The following GSE1 variants were observed in gnomAD, a reference collection of about 807,000 sequenced individuals.
The protein encoded by GSE1 is Gse1 coiled-coil protein.
Under a neutral mutation model 112.6 loss-of-function variants are expected in GSE1, and 32 were observed. The ratio of observed to expected loss-of-function variants is 0.28; its 90% CI spans 0.21 to 0.38. The LOEUF is 0.38. GSE1 is among the 10% of genes least tolerant of loss of function. The pLI is 1.00. For synonymous variants in GSE1, 1,115 were observed against 735.6 expected (o/e 1.52, Z -8.35); for missense variants, 2,348 against 1,699.2 (o/e 1.38, Z -6.71).
intron 2 of GSE1, among the ~76,000 whole-genome samples, chr16:85,384,325 C>G (rs1337952645): frequency 6.6e-6 from 1 of 152,200 alleles, no homozygotes; most frequent in East Asian, 1.9e-4. Flanking sequence ...GAGAACCTCC[C>G]CCTTGCCCAT....
chr16:85,474,080 G>A (rs2050377882), intron 2 of GSE1, among the ~76,000 whole-genome samples: 1 of 152,098 alleles, frequency 6.6e-6, no homozygotes, highest in African/African-American at 2.4e-5. Flanking sequence ...CTTCTGATGG[G>A]TCCTCTGCTG....
At chr16:85,354,156 T>A (rs958193721) in intron 1 of GSE1, among the ~76,000 whole-genome samples, 3 of 152,216 alleles carry the variant, frequency 2.0e-5, no homozygotes, top group African/African-American at 7.2e-5. Context: ...ACTCCTATAG[T>A]ACTTGTCATC....
chr16:85,655,664 C>T (rs989914192), intron 5 of GSE1, 62 bp from the exon 6 acceptor site: 24 of 1,151,716 alleles, frequency 2.1e-5, no homozygotes, highest in African/African-American at 4.6e-5. Flanking sequence ...ACACACCTGT[C>T]GACAGGGCTG....
intron 1 of GSE1, among the ~76,000 whole-genome samples, chr16:85,178,080 A>C (rs1008341253): frequency 4.6e-5 from 7 of 152,176 alleles, no homozygotes; most frequent in African/African-American, 1.7e-4. Flanking sequence ...GGGCGATGAG[A>C]GGTTGAGGAA....
intron 1 of GSE1, among the ~76,000 whole-genome samples, chr16:85,631,169 G>A (rs1341193141): frequency 3.3e-5 from 5 of 152,198 alleles, no homozygotes; most frequent in African/African-American, 4.8e-5. Context: ...GTGCCACTTC[G>A]TCTTTCTAGA....
intron 1 of GSE1, among the ~76,000 whole-genome samples, chr16:85,586,382 G>A (rs987087252): frequency 2.6e-5 from 4 of 152,198 alleles, no homozygotes; most frequent in African/African-American, 9.6e-5. Flanking sequence ...AGGTTCCCGA[G>A]TGCCGAGTGC....
At chr16:85,203,124 C>T (rs1245577246) in intron 1 of GSE1, among the ~76,000 whole-genome samples, 1 of 152,084 alleles carries the variant, frequency 6.6e-6, no homozygotes, top group Admixed American at 6.5e-5. Context: ...GGGTCCTCTC[C>T]TGTGGGGGTG....
chr16:85,183,373 C>G (rs143365402), intron 1 of GSE1, among the ~76,000 whole-genome samples: 17 of 152,344 alleles, frequency 1.1e-4, no homozygotes, highest in African/African-American at 3.8e-4. Context: ...CAACTTGGCA[C>G]AGACTCTGGA....
rs537161476 is a variant in GSE1, at chr16:85,414,379, C to T, written c.2464+56736C>T. ...ATGGATTTCACATTTTATATCATGA[C>T]GCAGGCCATGTACACATCTTCCCTG... On this transcript the variant is annotated intron_variant, in intron 2 of 2. Transcript: ENST00000637419. 7.7e-4 allele frequency among the ~76,000 whole-genome samples: 118 copies of T among 152,330 alleles called. 1 individual carries two copies. Among genetic ancestry groups the T allele is most frequent in the Admixed American group, 2.3e-3 (35 of 15,300 alleles).
intron 1 of GSE1, among the ~76,000 whole-genome samples, chr16:85,579,737 C>T (rs7202440): frequency 0.072 from 10,952 of 152,258 alleles, 1,319 homozygotes; most frequent in African/African-American, 0.25. Context: ...AGTTCCTTTT[C>T]GGTCTGGGCC....
intron 1 of GSE1, among the ~76,000 whole-genome samples, chr16:85,286,543 G>A (rs2045030839): frequency 6.6e-6 from 1 of 152,202 alleles, no homozygotes; most frequent in Admixed American, 6.5e-5. Flanking sequence ...TTGTAGTGCG[G>A]CTGGCCCGGA....
chr16:85,481,078 C>G (rs534651360), intron 2 of GSE1, among the ~76,000 whole-genome samples: 1 of 152,148 alleles, frequency 6.6e-6, no homozygotes, highest in South Asian at 2.1e-4. Flanking sequence ...GCGTTTTTCT[C>G]CAACCGGCCC....
intron 2 of GSE1, among the ~76,000 whole-genome samples, chr16:85,523,570 C>T (rs1314172941): frequency 1.3e-5 from 2 of 152,136 alleles, no homozygotes; most frequent in African/African-American, 4.8e-5. Flanking sequence ...CCCCTGGGAG[C>T]CGCCTCCCAC....
At chr16:85,541,868 A>G (rs2151208973) in intron 2 of GSE1, among the ~76,000 whole-genome samples, 1 of 152,066 alleles carries the variant, frequency 6.6e-6, no homozygotes, top group East Asian at 1.9e-4. Flanking sequence ...AGAAGGGGAG[A>G]GCAGTCTCCC....
At chr16:85,250,901 C>T (rs960155572) in intron 1 of GSE1, among the ~76,000 whole-genome samples, 4 of 149,090 alleles carry the variant, frequency 2.7e-5, no homozygotes, top group African/African-American at 9.9e-5. Flanking sequence ...GACATTTCAT[C>T]TGTGTGGAAT....
intron 1 of GSE1, among the ~76,000 whole-genome samples, chr16:85,262,797 G>T (rs1858366869): frequency 6.6e-6 from 1 of 152,194 alleles, no homozygotes; most frequent in Admixed American, 6.5e-5. Context: ...TCACAAGCTT[G>T]CCGCGGGCAC....
intron 1 of GSE1, chr16:85,592,286 C>G (rs1441614092): frequency 2.0e-5 from 3 of 152,028 alleles, no homozygotes; most frequent in African/African-American, 7.2e-5. Context: ...TCTCAGCCTC[C>G]CAAGTAGCTG....
chr16:85,514,312 C>G (rs1598021302), intron 2 of GSE1, among the ~76,000 whole-genome samples: 1 of 152,030 alleles, frequency 6.6e-6, no homozygotes, highest in Admixed American at 6.6e-5. Flanking sequence ...ACCCCCAGGC[C>G]TTCCCTGGAA....
intron 1 of GSE1, among the ~76,000 whole-genome samples, chr16:85,237,777 G>C (rs1230267715): frequency 1.3e-5 from 2 of 151,508 alleles, no homozygotes; most frequent in Admixed American, 6.6e-5. Context: ...GGCGGAGCTT[G>C]TAGTGAGCCA....
Sources: allele counts gnomAD v4.1 joint callset (sites outside exome capture counted in the v4.1 genomes callset), GRCh38; gene constraint gnomAD v4.1.1; transcripts MANE v1.5; gene names NCBI Gene and HGNC (gene_info 2026-07-23, HGNC 2026-07-21).